ACAP2: variants seen among roughly 807,000 people sequenced by gnomAD.
The protein encoded by ACAP2 is ArfGAP with coiled-coil, ankyrin repeat and PH domains 2, also known as arf-GAP with coiled-coil, ANK repeat and PH domain-containing protein 2.
In ACAP2, 39 loss-of-function variants were observed where a neutral mutation model predicts 115.8. The observed-to-expected ratio is 0.34, with a 90% confidence interval of 0.26 to 0.44. The LOEUF (loss-of-function observed/expected upper bound fraction) is 0.44. Among genes scored for constraint, ACAP2 ranks in the 20% least tolerant of loss-of-function variants. The pLI is 1.00. For synonymous variants in ACAP2, 289 were observed against 315.8 expected, an observed-to-expected ratio of 0.92 and a Z score of 0.90; for missense variants, 662 against 927.6, an observed-to-expected ratio of 0.71 and a Z score of 3.72.
Position 195,333,009 on chromosome 3 carries a change from A to T in ACAP2, c.669+19T>A. ...TACCAATGTATAAAACAGAATCAAG[A>T]AATATACTGCAACATTACCTGTGCA... On this transcript the variant is annotated intron_variant, in intron 8 of 22. Coordinates refer to ENST00000326793, the MANE Select transcript of ACAP2 (RefSeq NM_012287.6). The T allele has an allele frequency of 6.5e-7, 1 of 1,545,280 alleles. No individual in the cohort carries two copies. Among genetic ancestry groups the T allele is most frequent in the Non-Finnish European group, 8.9e-7 (1 of 1,127,168 alleles).
intron 1 of ACAP2, chr3:195,419,290 A>G (rs1193231535): frequency 6.6e-6 from 1 of 152,226 alleles, no homozygotes; most frequent in Non-Finnish European, 1.5e-5. Flanking sequence ...CTGTCTGGGT[A>G]GATCGGCCTA....
At chr3:195,437,814 CAA>C (rs535209837) in intron 1 of ACAP2, among the ~76,000 whole-genome samples, 85 of 36,378 alleles carry the variant, frequency 2.3e-3, no homozygotes, top group African/African-American at 7.2e-3. Flanking sequence ...GACTCTGTCT[CAA>C]AAAAAAAAAA....
intron 4 of ACAP2, chr3:195,357,544 T>G (rs981012137): frequency 7.2e-5 from 11 of 152,284 alleles, no homozygotes; most frequent in African/African-American, 2.7e-4. Context: ...CTTTGCTGGC[T>G]TCAGATCTGA....
At chr3:195,305,669 G>T (rs1252612534) in intron 13 of ACAP2, among the ~76,000 whole-genome samples, 1 of 152,140 alleles carries the variant, frequency 6.6e-6, no homozygotes, top group African/African-American at 2.4e-5. Flanking sequence ...TGATTCTAGA[G>T]ACAGACGTAT....
In ACAP2 at chr3:195,380,150, A is replaced by G. The variant is rs535021223; in HGVS notation, c.285+859T>C. Among the ~76,000 whole-genome samples, 9 of 152,274 alleles carry G rather than the reference A, an allele frequency of 5.9e-5. No individual in the cohort carries two copies. The South Asian group carries it at 1.5e-3, about 25-fold the overall frequency. ...AAGTCTACACCTAGGTACATGCCCA[A>G]AAGAACTGAAAACAGGCACTCAAGC... On this transcript the variant is annotated intron_variant, in intron 4 of 22. Coordinates refer to ENST00000326793, the MANE Select transcript of ACAP2 (RefSeq NM_012287.6).
chr3:195,286,143 G>C (rs1726829898), intron 21 of ACAP2, among the ~76,000 whole-genome samples: 1 of 152,146 alleles, frequency 6.6e-6, no homozygotes, highest in African/African-American at 2.4e-5. Flanking sequence ...TCCTCCAGAT[G>C]CCTGACAATT....
At chr3:195,440,868 T>C (rs1053140004) in intron 1 of ACAP2, among the ~76,000 whole-genome samples, 3 of 152,208 alleles carry the variant, frequency 2.0e-5, no homozygotes, top group Non-Finnish European at 4.4e-5. Context: ...TATTGAAATT[T>C]TGGCATCTCT....
At chr3:195,431,745 C>T (rs937651195) in intron 1 of ACAP2, among the ~76,000 whole-genome samples, 1 of 151,978 alleles carries the variant, frequency 6.6e-6, no homozygotes, top group African/African-American at 2.4e-5. Context: ...CCGCACCCAG[C>T]CTCTATGTTT....
chr3:195,331,935 C>T (rs1164841061), intron 8 of ACAP2, among the ~76,000 whole-genome samples: 1 of 151,780 alleles, frequency 6.6e-6, no homozygotes, highest in Non-Finnish European at 1.5e-5. Flanking sequence ...GAGATCGAGA[C>T]CAACCTGGCT....
chr3:195,296,813 AT>A (rs1727684146), intron 16 of ACAP2, among the ~76,000 whole-genome samples: 2 of 152,202 alleles, frequency 1.3e-5, no homozygotes, highest in Non-Finnish European at 2.9e-5. Context: ...TAAATTAAGT[AT>A]GAAAAATGTA....
chr3:195,300,037 T>C (rs1286592462), intron 15 of ACAP2, among the ~76,000 whole-genome samples: 32 of 36,446 alleles, frequency 8.8e-4, no homozygotes, highest in African/African-American at 2.3e-3. Flanking sequence ...CTTTTTTCTT[T>C]TTTTTTCTTT....
At chr3:195,408,659 T>C (rs1712991230) in intron 1 of ACAP2, among the ~76,000 whole-genome samples, 1 of 152,090 alleles carries the variant, frequency 6.6e-6, no homozygotes, top group Non-Finnish European at 1.5e-5. Context: ...AAGAAAACTA[T>C]GGAACAATAT....
chr3:195,422,106 T>C (rs2108835758), intron 1 of ACAP2, among the ~76,000 whole-genome samples: 1 of 152,294 alleles, frequency 6.6e-6, no homozygotes, highest in South Asian at 2.1e-4. Flanking sequence ...TTTAACCTCT[T>C]ATGAAATGAA....
chr3:195,402,231 A>C (rs77024071), intron 1 of ACAP2, among the ~76,000 whole-genome samples: 3,355 of 152,284 alleles, frequency 0.022, 118 homozygotes, highest in East Asian at 0.1. Flanking sequence ...CATTTAAAAC[A>C]ACTCTGTTAT....
chr3:195,385,038 C>T (rs185764600), intron 2 of ACAP2, among the ~76,000 whole-genome samples: 86 of 152,194 alleles, frequency 5.7e-4, no homozygotes, highest in African/African-American at 2.0e-3. Context: ...CCTCAACAAA[C>T]TTCCATTTCT....
chr3:195,425,026 CAAAA>C (rs10690317), intron 1 of ACAP2, among the ~76,000 whole-genome samples: 16 of 26,642 alleles, frequency 6.0e-4, no homozygotes, highest in African/African-American at 7.4e-4. Flanking sequence ...GACTCCGTCT[CAAAA>C]AAAAAAAAAA....
intron 6 of ACAP2, 90 bp downstream of exon 6, chr3:195,342,381 G>T (rs1730935327): frequency 7.9e-7 from 1 of 1,259,952 alleles, no homozygotes; most frequent in Non-Finnish European, 1.1e-6. Context: ...CAGAGTAAAA[G>T]TATTTATTCT....
At chr3:195,382,927 G>T (rs142070754) in intron 2 of ACAP2, among the ~76,000 whole-genome samples, 65 of 152,066 alleles carry the variant, frequency 4.3e-4, no homozygotes, top group African/African-American at 1.5e-3. Context: ...TGGGGACCAG[G>T]GAAGGATTCC....
At chr3:195,405,682 T>A (rs1264112177) in intron 1 of ACAP2, among the ~76,000 whole-genome samples, 1 of 147,866 alleles carries the variant, frequency 6.8e-6, no homozygotes, top group Non-Finnish European at 1.5e-5. Flanking sequence ...TGAGACTCCA[T>A]CTCAAAAAAA....
Sources: gnomAD v4.1 joint callset for allele counts (sites outside exome capture counted in the v4.1 genomes callset) on GRCh38, gnomAD v4.1.1 for gene constraint, MANE v1.5 for transcripts, NCBI Gene and HGNC (gene_info 2026-07-23, HGNC 2026-07-21) for gene names.